Variants in LPA observed in about 807,000 individuals in gnomAD.
LPA encodes apolipoprotein(a).
Under a neutral mutation model 197.9 loss-of-function variants are expected in LPA, and 199 were observed. The observed-to-expected ratio is 1.01, with a 90% confidence interval of 0.90 to 1.13. The LOEUF (loss-of-function observed/expected upper bound fraction) is 1.13, where lower values mean the gene tolerates loss of function less well. LPA is among the 50% of genes most tolerant of loss of function. The pLI is 0.00. For synonymous variants in LPA, 715 were observed against 639.5 expected (o/e 1.12, Z -1.78); for missense variants, 1,853 against 1,785.8 (o/e 1.04, Z -0.68).
intron 16 of LPA, among the ~76,000 whole-genome samples, chr6:160,610,144 G>A (rs904183214): frequency 2.0e-5 from 3 of 151,864 alleles, no homozygotes; most frequent in African/African-American, 7.3e-5. Context: ...TTATTTTCTG[G>A]TCATGGATCA....
Position 160,601,074 on chromosome 6 carries a change from T to G in LPA, c.2970A>C (p.Arg990=), listed in dbSNP as rs753952578. The G allele has an allele frequency of 7.4e-6, 12 of 1,613,966 alleles. No homozygotes were observed. The African/African-American group carries it at 1.5e-4, about 20-fold the overall frequency. The part of the protein sequence containing the change: ...PNAGLIKNYC[R]NPDPVAAPWC... Reference sequence around the variant, plus strand: ...AAGGGGCTGCCACAGGATCTGGATTTCGGCAGTAGTTCTTGATCAAGCCAC... The same window carrying G: ...AAGGGGCTGCCACAGGATCTGGATTGCGGCAGTAGTTCTTGATCAAGCCAC... Residue 990 remains arginine, a synonymous_variant, in exon 19 of 39, where the codon CGA becomes CGC. Coordinates refer to ENST00000316300, the MANE Select transcript of LPA (RefSeq NM_005577.4).
intron 16 of LPA, 107 bp downstream of exon 16, chr6:160,611,455 T>A (rs1290469180): frequency 6.5e-6 from 10 of 1,540,982 alleles, no homozygotes; most frequent in Non-Finnish European, 8.9e-6. Flanking sequence ...CTACACCATC[T>A]GAATCTGACA....
intron 23 of LPA, among the ~76,000 whole-genome samples, chr6:160,590,527 C>T (rs547325034): frequency 6.6e-6 from 1 of 152,130 alleles, no homozygotes; most frequent in Non-Finnish European, 1.5e-5. Flanking sequence ...ATGACAGACT[C>T]AAAAACCACA....
intron 28 of LPA, among the ~76,000 whole-genome samples, chr6:160,572,322 C>T (rs1410831668): frequency 6.6e-6 from 1 of 152,154 alleles, no homozygotes; most frequent in Non-Finnish European, 1.5e-5. Flanking sequence ...TCCTATTCAG[C>T]CATCTTGCCA....
At chr6:160,593,748 C>T (rs1779075664) in intron 22 of LPA, among the ~76,000 whole-genome samples, 1 of 152,170 alleles carries the variant, frequency 6.6e-6, no homozygotes, top group Non-Finnish European at 1.5e-5. Context: ...TTCAAATATC[C>T]TCCTGCTTCT....
chr6:160,540,986 GA>G (rs1158808963), intron 35 of LPA, 120 bp downstream of exon 35: 2 of 841,114 alleles, frequency 2.4e-6, no homozygotes, highest in Admixed American at 3.9e-5. Context: ...GTTCCTTCCA[GA>G]AAAGGAAGAG....
chr6:160,581,178 A>T (rs540921730), intron 26 of LPA, among the ~76,000 whole-genome samples: 29 of 152,246 alleles, frequency 1.9e-4, no homozygotes, highest in Non-Finnish European at 3.8e-4. Flanking sequence ...TTGGAAAAAA[A>T]TTTCCTCATT....
At chr6:160,648,714 AT>A (rs1237882254) in intron 2 of LPA, among the ~76,000 whole-genome samples, 2 of 151,752 alleles carry the variant, frequency 1.3e-5, no homozygotes, top group South Asian at 4.2e-4. Flanking sequence ...CCATCTAGTA[AT>A]TTTTTCATTT....
chr6:160,596,200 C>T (rs988772214), intron 20 of LPA, among the ~76,000 whole-genome samples: 3 of 152,166 alleles, frequency 2.0e-5, no homozygotes, highest in Non-Finnish European at 4.4e-5. Context: ...CTCTGTTACT[C>T]CAGATGGTGA....
intron 30 of LPA, among the ~76,000 whole-genome samples, chr6:160,550,726 G>T (rs1171876930): frequency 1.3e-5 from 2 of 152,108 alleles, no homozygotes; most frequent in Non-Finnish European, 2.9e-5. Flanking sequence ...AATGATATTG[G>T]TTTCTTTCAC....
chr6:160,578,531 G>A lies in LPA; in HGVS notation c.4463C>T (p.Ser1488Phe). The change falls in exon 27 of 39, where the codon TCT becomes TTT. Residue 1488 changes from serine to phenylalanine, a missense_variant. Ser to Phe is a radical substitution (Grantham distance 155). Coordinates refer to ENST00000316300, the MANE Select transcript of LPA (RefSeq NM_005577.4). ...AACCACAAATTTCTTACCTTGTTCAGAAGGAGCCTCTGTGCTTGGAACCGG... is the reference window on the plus strand; with the variant it reads ...AACCACAAATTTCTTACCTTGTTCAAAAGGAGCCTCTGTGCTTGGAACCGG... ...VAPVPSTEAPSEQAPPEKSPV... is the reference protein window; with the variant it reads ...VAPVPSTEAPFEQAPPEKSPV... The A allele has an allele frequency of 6.2e-7, 1 of 1,613,850 alleles. No homozygotes were observed. Among genetic ancestry groups the A allele is most frequent in the Non-Finnish European group, 8.5e-7 (1 of 1,179,760 alleles).
Position 160,564,425 on chromosome 6 carries a change from G to A in LPA, c.4632-6854C>T, listed in dbSNP as rs138843808. On this transcript the variant is annotated intron_variant, in intron 28 of 38. Transcript: ENST00000316300. ...TTGGCACTGGATGTTTCCTGCCCTT[G>A]AACATCAGACTCCAATTTCTTCAGT... 9.9e-5 allele frequency among the ~76,000 whole-genome samples: 15 copies of A among 151,938 alleles called. No homozygotes were observed. The East Asian group carries it at 2.9e-3, about 29-fold the overall frequency.
At chr6:160,547,476 G>A (rs767154710) in intron 32 of LPA, among the ~76,000 whole-genome samples, 1 of 152,144 alleles carries the variant, frequency 6.6e-6, no homozygotes, top group Non-Finnish European at 1.5e-5. Context: ...GTTCCTAACA[G>A]GCCACAGATA....
chr6:160,647,067 C>A (rs549213486), intron 2 of LPA, among the ~76,000 whole-genome samples: 5 of 152,264 alleles, frequency 3.3e-5, no homozygotes, highest in Non-Finnish European at 7.4e-5. Context: ...AAAACTTGCT[C>A]CCAGGCAGAA....
At chr6:160,586,396 A>C in intron 25 of LPA, 53 bp downstream of exon 25, 3 of 1,604,388 alleles carry the variant, frequency 1.9e-6, no homozygotes, top group Non-Finnish European at 2.6e-6. Flanking sequence ...GATTTTGCAA[A>C]TCTTTTTATC....
rs770158265 is a variant in LPA, at chr6:160,555,436, C to CATATATATATATATATATAT, written c.4973+569_4973+588dup. Among the ~76,000 whole-genome samples, 601 of 121,868 alleles carry CATATATATATATATATATAT rather than the reference C, an allele frequency of 4.9e-3. 4 individuals are homozygous for CATATATATATATATATATAT. The highest frequency in any genetic ancestry group is 0.017 in the Middle Eastern group (4 of 238). 80.0% of individuals were successfully genotyped at this position (121,868 alleles called of 152,430 possible). On this transcript the variant is annotated intron_variant, in intron 30 of 38. Coordinates refer to ENST00000316300, the MANE Select transcript of LPA (RefSeq NM_005577.4). Reference sequence around the variant, plus strand: ...AAAAACCTTGCATGTTTCCCTAGAACATATATATATATATATATATGTGTG... The same window carrying CATATATATATATATATATAT: ...AAAAACCTTGCATGTTTCCCTAGAACATATATATATATATATATATATATATATATATATATATATGTGTG...
chr6:160,585,132 G>A lies in LPA; in HGVS notation c.4203C>T (p.Ser1401=), dbSNP rs186580874. The change falls in exon 26 of 39, where the codon TCC becomes TCT. Residue 1401 remains serine (S), a synonymous_variant. Coordinates refer to ENST00000316300, the MANE Select transcript of LPA (RefSeq NM_005577.4). ...GACATGTTCTTCCTGTGATAGTGGT[G>A]GAGAGTGTGCCTCGATAACTCTGTC... ...GDGQSYRGTL[S]TTITGRTCQS... The A allele has an allele frequency of 9.0e-5, 145 of 1,613,852 alleles. No homozygotes were observed. The highest frequency in any genetic ancestry group is 1.2e-4 in the Non-Finnish European group (141 of 1,179,794).
At chr6:160,586,745 A>C in intron 24 of LPA, 115 bp from the exon 25 acceptor site, 38 of 1,421,340 alleles carry the variant, frequency 2.7e-5, no homozygotes, top group Non-Finnish European at 3.3e-5. Flanking sequence ...AAATATTCTC[A>C]CTAAAGTCCC....
Position 160,590,800 on chromosome 6 carries a change from C to T in LPA, c.3787+144G>A, listed in dbSNP as rs948800183. The stretch of plus-strand genomic sequence containing the variant: ...TCAGCCCTGGTTCCCCCAGAGAAGG[C>T]GCTGAGGCTTCCTTCCCATTGGCTG... On this transcript the variant is annotated intron_variant, in intron 23 of 38. Transcript: ENST00000316300. The T allele has an allele frequency of 5.4e-5, 62 of 1,141,824 alleles. 1 individual carries two copies. The East Asian group carries it at 1.3e-3, about 24-fold the overall frequency. The allele number at this position is 1,141,824 out of a possible 1,614,324, so 70.7% of individuals were successfully genotyped here.
Sources: gnomAD v4.1 joint callset for allele counts (sites outside exome capture counted in the v4.1 genomes callset) on GRCh38, gnomAD v4.1.1 for gene constraint, MANE v1.5 for transcripts, NCBI Gene and HGNC (gene_info 2026-07-23, HGNC 2026-07-21) for gene names.